TRDN: variants seen among roughly 807,000 people sequenced by gnomAD.
TRDN encodes triadin.
In TRDN, 161 loss-of-function variants were observed where a neutral mutation model predicts 149.7. The observed-to-expected ratio is 1.08, with a 90% CI of 0.95 to 1.23. The LOEUF is 1.23. TRDN is among the 50% of genes most tolerant of loss of function. The pLI is 0.00. For missense variants in TRDN, 896 were observed against 823.5 expected, an observed-to-expected ratio of 1.09 and a Z score of -1.08; for synonymous variants, 294 against 250.5, an observed-to-expected ratio of 1.17 and a Z score of -1.64.
intron 2 of TRDN, among the ~76,000 whole-genome samples, chr6:123,562,503 A>G (rs982060866): frequency 6.6e-6 from 1 of 152,200 alleles, no homozygotes; most frequent in Non-Finnish European, 1.5e-5. Flanking sequence ...CCTATGAGCT[A>G]CAGAGTAGGT....
chr6:123,571,191 T>C, intron 1 of TRDN, 59 bp from the exon 2 acceptor site: 1 of 1,555,312 alleles, frequency 6.4e-7, no homozygotes, highest in Non-Finnish European at 8.8e-7. Flanking sequence ...ATATTGATGA[T>C]GAGAAACACT....
At chr6:123,246,553 T>A (rs1158309223) in intron 38 of TRDN, among the ~76,000 whole-genome samples, 1 of 151,520 alleles carries the variant, frequency 6.6e-6, no homozygotes, top group Non-Finnish European at 1.5e-5. Context: ...AATCCCTGAA[T>A]AGACCAATAA....
chr6:123,596,474 A>G (rs1784043356), intron 1 of TRDN, among the ~76,000 whole-genome samples: 3 of 152,148 alleles, frequency 2.0e-5, no homozygotes, highest in Admixed American at 1.3e-4. Context: ...ACACTAAACA[A>G]CAAACTTTCA....
In TRDN at chr6:123,540,337, A is replaced by G. The variant is rs142840767; in HGVS notation, c.424+7003T>C. Reference sequence around the variant, plus strand: ...GGCCTCAACTTTCTGGTCCCATACTAGCTGCTAGGAGAGAAAAGCCTGCCT... The same window carrying G: ...GGCCTCAACTTTCTGGTCCCATACTGGCTGCTAGGAGAGAAAAGCCTGCCT... On this transcript the variant is annotated intron_variant, in intron 4 of 40. Transcript: ENST00000334268. Among the ~76,000 whole-genome samples the G allele has an allele frequency of 8.5e-5, 13 of 152,234 alleles. No homozygotes were observed. In the East Asian group the frequency reaches 2.5e-3, roughly 29 times the overall value.
intron 24 of TRDN, among the ~76,000 whole-genome samples, chr6:123,289,152 A>T (rs1363967494): frequency 6.8e-6 from 1 of 147,320 alleles, no homozygotes; most frequent in African/African-American, 2.5e-5. Context: ...TATATTATAT[A>T]TAATATATAC....
chr6:123,559,693 A>G (rs1459215901), intron 2 of TRDN, among the ~76,000 whole-genome samples: 18 of 152,234 alleles, frequency 1.2e-4, no homozygotes, highest in Non-Finnish European at 1.6e-4. Context: ...TTTAAAGCCT[A>G]TAAACTCTCC....
chr6:123,636,912 C>T lies in TRDN; in HGVS notation c.-137G>A. ...CTCTTCGTTTTCCTGGCTGTTTCTG[C>T]TGCTTCTTTGTTGTCCTGTTGAACT... On this transcript the variant is annotated 5_prime_UTR_variant, in exon 1 of 41. Transcript: ENST00000334268. The T allele has an allele frequency of 2.1e-6, 2 of 971,032 alleles. No homozygotes were observed. The highest frequency in any genetic ancestry group is 2.1e-5 in the Admixed American group (1 of 48,700). The allele number at this position is 971,032 out of a possible 1,614,324, so 60.2% of individuals were successfully genotyped here. A position where few individuals can be genotyped will look rare whatever the true frequency, so the allele number is the denominator to read the frequency against.
intron 20 of TRDN, among the ~76,000 whole-genome samples, chr6:123,359,797 G>C (rs180896900): frequency 6.6e-6 from 1 of 152,044 alleles, no homozygotes; most frequent in Non-Finnish European, 1.5e-5. Flanking sequence ...CTGGGTTCAC[G>C]CCATTCTCCT....
intron 7 of TRDN, among the ~76,000 whole-genome samples, chr6:123,510,434 G>A (rs1779117413): frequency 6.6e-6 from 1 of 152,010 alleles, no homozygotes; most frequent in South Asian, 2.1e-4. Flanking sequence ...AAATTTAAAT[G>A]TAGGGAATAA....
chr6:123,427,292 T>A (rs1423916605), intron 12 of TRDN, among the ~76,000 whole-genome samples: 1 of 151,670 alleles, frequency 6.6e-6, no homozygotes, highest in Non-Finnish European at 1.5e-5. Context: ...TTTTTTTTTT[T>A]AATAACTAAC....
chr6:123,266,174 A>G (rs1295889562), intron 32 of TRDN, among the ~76,000 whole-genome samples: 2 of 89,086 alleles, frequency 2.2e-5, no homozygotes, highest in Non-Finnish European at 4.0e-5. Flanking sequence ...TATGTATTAT[A>G]TATTATATAT....
chr6:123,621,736 G>A (rs2114712417), intron 1 of TRDN, among the ~76,000 whole-genome samples: 1 of 152,226 alleles, frequency 6.6e-6, no homozygotes, highest in East Asian at 1.9e-4. Context: ...GTTTATCGAT[G>A]TTGAGGTCAT....
chr6:123,390,468 C>T (rs533737245), intron 13 of TRDN, among the ~76,000 whole-genome samples: 1 of 152,102 alleles, frequency 6.6e-6, no homozygotes, highest in African/African-American at 2.4e-5. Flanking sequence ...CAGTTTTCAG[C>T]GACAATGGAG....
At chr6:123,504,621 T>C (rs559244343) in intron 7 of TRDN, among the ~76,000 whole-genome samples, 28 of 152,110 alleles carry the variant, frequency 1.8e-4, no homozygotes, top group African/African-American at 6.7e-4. Context: ...CAAAGGGCTA[T>C]AAATAAAAAT....
At position 123,283,996 on chromosome 6, in the gene TRDN, ATATATATG is replaced by A. The variant is rs1286484636; in HGVS notation, c.1511-4922_1511-4915del. ...ACACCAACATGGCACATATATATATATATATATGTAACAAACCTGCACATTGTGCACAT... is the reference window on the plus strand; with the variant it reads ...ACACCAACATGGCACATATATATATATAACAAACCTGCACATTGTGCACAT... On this transcript the variant is annotated intron_variant, in intron 24 of 40. Coordinates refer to ENST00000334268, the MANE Select transcript of TRDN (RefSeq NM_006073.4). Among the ~76,000 whole-genome samples the A allele has an allele frequency of 6.1e-5, 7 of 114,708 alleles. No homozygotes were observed. In the East Asian group the frequency reaches 1.3e-3, roughly 21 times the overall value. The allele number at this position is 114,708 out of a possible 152,430, so 75.3% of individuals were successfully genotyped here.
chr6:123,608,935 A>C (rs1784654385), intron 1 of TRDN, among the ~76,000 whole-genome samples: 1 of 151,974 alleles, frequency 6.6e-6, no homozygotes, highest in Admixed American at 6.6e-5. Flanking sequence ...CACTTTGGGA[A>C]GCCGAGGCAG....
At chr6:123,410,076 T>G (rs1773368459) in intron 12 of TRDN, among the ~76,000 whole-genome samples, 1 of 152,178 alleles carries the variant, frequency 6.6e-6, no homozygotes, top group African/African-American at 2.4e-5. Flanking sequence ...AATTAAGACT[T>G]TATCCTAGGG....
chr6:123,538,225 A>G (rs1346542110), intron 4 of TRDN, among the ~76,000 whole-genome samples: 2 of 152,268 alleles, frequency 1.3e-5, no homozygotes, highest in South Asian at 2.1e-4. Context: ...TCCCATTTTA[A>G]TATTAAAAAA....
intron 38 of TRDN, among the ~76,000 whole-genome samples, chr6:123,236,403 C>A (rs573696863): frequency 6.6e-6 from 1 of 151,988 alleles, no homozygotes; most frequent in African/African-American, 2.4e-5. Flanking sequence ...AACACAAGGC[C>A]TTTGTTGGAT....
Sources: gnomAD v4.1 joint callset for allele counts (sites outside exome capture counted in the v4.1 genomes callset) on GRCh38, gnomAD v4.1.1 for gene constraint, MANE v1.5 for transcripts, NCBI Gene and HGNC (gene_info 2026-07-23, HGNC 2026-07-21) for gene names.